DLG2: variants seen among roughly 807,000 people sequenced by gnomAD.
DLG2 encodes discs large MAGUK scaffold protein 2, also known as disks large homolog 2.
DLG2 carries 45 observed loss-of-function variants against 132.5 expected under a neutral mutation model. That is an observed-to-expected ratio of 0.34 (90% CI 0.27 to 0.44). The LOEUF (loss-of-function observed/expected upper bound fraction) is 0.44, where lower values mean the gene tolerates loss of function less well. Ranked by LOEUF, DLG2 falls within the 20% of genes least tolerant of loss-of-function variation. The pLI, the probability that DLG2 is intolerant of heterozygous loss-of-function variation, is 1.00. For synonymous variants in DLG2, 424 were observed against 419.6 expected (o/e 1.01, Z -0.13); for missense variants, 1,045 against 1,196.9 (o/e 0.87, Z 1.87).
intron 6 of DLG2, among the ~76,000 whole-genome samples, chr11:84,597,991 A>G (rs1430319575): frequency 6.6e-6 from 1 of 152,222 alleles, no homozygotes; most frequent in Non-Finnish European, 1.5e-5. Flanking sequence ...TTTTCATATT[A>G]TTAAAACTCC....
At chr11:84,354,781 T>C (rs1424347196) in intron 7 of DLG2, among the ~76,000 whole-genome samples, 2 of 152,060 alleles carry the variant, frequency 1.3e-5, no homozygotes, top group African/African-American at 4.8e-5. Flanking sequence ...TTGAGTCAAA[T>C]GCGGTTTGAC....
chr11:84,558,412 C>A lies in DLG2; in HGVS notation c.358-23681G>T, dbSNP rs544615821. 1.1e-4 allele frequency among the ~76,000 whole-genome samples: 16 copies of A among 152,254 alleles called. No individual in the cohort carries two copies. In the South Asian group the frequency reaches 2.9e-3, roughly 28 times the overall value. Reference sequence around the variant, plus strand: ...TCTTATGGGTATAGCACACATGCTTCTTTCCTAAAAATTGTGGCATCTTTG... The same window carrying A: ...TCTTATGGGTATAGCACACATGCTTATTTCCTAAAAATTGTGGCATCTTTG... On this transcript the variant is annotated intron_variant, in intron 6 of 27. Transcript: ENST00000376104.
rs181327665 is a variant in DLG2 at position 85,243,038 on chromosome 11, T to G, written c.186+42182A>C. Among the ~76,000 whole-genome samples the G allele has an allele frequency of 2.5e-3, 377 of 151,992 alleles. 2 individuals carry two copies. Among genetic ancestry groups the G allele is most frequent in the Non-Finnish European group, 4.2e-3 (284 of 67,906 alleles). ...GTCCTAAGGCAAAAGCAGAGGAGAA[T>G]CAAAAGTAGAATTCAAACTGTTTTT... On this transcript the variant is annotated intron_variant, in intron 4 of 27. Transcript: ENST00000376104.
intron 7 of DLG2, among the ~76,000 whole-genome samples, chr11:84,471,425 T>G (rs186558004): frequency 8.2e-4 from 124 of 151,972 alleles, no homozygotes; most frequent in African/African-American, 2.9e-3. Context: ...TACTTTCTAC[T>G]TATTTGGCTG....
chr11:84,362,031 T>A (rs2098652599), intron 7 of DLG2, among the ~76,000 whole-genome samples: 1 of 151,930 alleles, frequency 6.6e-6, no homozygotes, highest in South Asian at 2.1e-4. Context: ...GATAACATAT[T>A]TAAATTTTAG....
rs74877016 is a variant in DLG2 at position 84,297,324 on chromosome 11, G to C, written c.520-46033C>G. Among the ~76,000 whole-genome samples the C allele has an allele frequency of 4.8e-3, 727 of 152,100 alleles. 8 individuals are homozygous for C. The highest frequency in any genetic ancestry group is 0.016 in the African/African-American group (671 of 41,488). On this transcript the variant is annotated intron_variant, in intron 7 of 27. Coordinates refer to ENST00000376104, the MANE Select transcript of DLG2 (RefSeq NM_001142699.3). ...TAGATGAGAAGGAGTGTGAACATTG[G>C]AGTTCAAACATTGCTGCAATTAAAA... is the stretch of plus-strand genomic sequence containing the variant.
At chr11:85,425,567 T>A (rs1183321906) in intron 3 of DLG2, among the ~76,000 whole-genome samples, 2 of 152,074 alleles carry the variant, frequency 1.3e-5, no homozygotes, top group African/African-American at 2.4e-5. Flanking sequence ...ATTGTAAGAA[T>A]CATAAAAGTA....
intron 6 of DLG2, among the ~76,000 whole-genome samples, chr11:84,749,692 T>C (rs1165701308): frequency 6.6e-6 from 1 of 152,124 alleles, no homozygotes; most frequent in Non-Finnish European, 1.5e-5. Context: ...TCTCGTTAAG[T>C]GATGCATGGC....
At chr11:84,215,710 C>T (rs2096827517) in intron 8 of DLG2, among the ~76,000 whole-genome samples, 1 of 152,070 alleles carries the variant, frequency 6.6e-6, no homozygotes, top group African/African-American at 2.4e-5. Context: ...GCATCAGCAT[C>T]AGAAACAAAC....
At chr11:84,146,584 T>C (rs1039618430) in intron 9 of DLG2, among the ~76,000 whole-genome samples, 1 of 152,106 alleles carries the variant, frequency 6.6e-6, no homozygotes, top group African/African-American at 2.4e-5. Context: ...TTGCATTGCA[T>C]GAAGAATCTA....
intron 7 of DLG2, among the ~76,000 whole-genome samples, chr11:84,423,391 C>T (rs528759506): frequency 8.9e-4 from 136 of 152,250 alleles, no homozygotes; most frequent in African/African-American, 3.2e-3. Context: ...TCATGCCTGG[C>T]ACTTGTCTAC....
intron 8 of DLG2, among the ~76,000 whole-genome samples, chr11:84,183,365 G>A (rs2096192939): frequency 6.6e-6 from 1 of 152,152 alleles, no homozygotes; most frequent in Non-Finnish European, 1.5e-5. Context: ...AGTTGTGGAT[G>A]TCAATGCCCG....
Position 85,128,877 on chromosome 11 carries a change from A to T in DLG2, c.283-17142T>A, listed in dbSNP as rs903548337. On this transcript the variant is annotated intron_variant, in intron 5 of 27. Transcript: ENST00000376104. Reference sequence around the variant, plus strand: ...AAAGTTATAAATTGTGAGTTGCTGAATAAATTATACTATATACACATTTTT... The same window carrying T: ...AAAGTTATAAATTGTGAGTTGCTGATTAAATTATACTATATACACATTTTT... Among the ~76,000 whole-genome samples, 18 of 152,296 alleles carry T rather than the reference A, an allele frequency of 1.2e-4. No homozygotes were observed. In the South Asian group the frequency reaches 3.5e-3, roughly 30 times the overall value.
chr11:85,427,104 C>A (rs184413418), intron 3 of DLG2, among the ~76,000 whole-genome samples: 64 of 152,232 alleles, frequency 4.2e-4, no homozygotes, highest in African/African-American at 1.5e-3. Flanking sequence ...ATGAACAAAG[C>A]CTCCAAGAAA....
chr11:85,164,727 C>T (rs1406108495), intron 4 of DLG2, among the ~76,000 whole-genome samples: 1 of 152,124 alleles, frequency 6.6e-6, no homozygotes, highest in Non-Finnish European at 1.5e-5. Flanking sequence ...TTCAAGGATA[C>T]TGATATATAT....
At chr11:85,343,922 T>C (rs1177938946) in intron 3 of DLG2, among the ~76,000 whole-genome samples, 1 of 152,138 alleles carries the variant, frequency 6.6e-6, no homozygotes, top group Non-Finnish European at 1.5e-5. Flanking sequence ...AAAATTAGGA[T>C]ACAGATGCAG....
intron 18 of DLG2, among the ~76,000 whole-genome samples, chr11:83,751,847 A>G (rs2093330475): frequency 6.6e-6 from 1 of 152,250 alleles, no homozygotes; most frequent in South Asian, 2.1e-4. Flanking sequence ...TAGAACACCA[A>G]TATGGAGTTC....
At chr11:85,499,799 A>T (rs2093754457) in intron 3 of DLG2, among the ~76,000 whole-genome samples, 1 of 152,194 alleles carries the variant, frequency 6.6e-6, no homozygotes, top group Non-Finnish European at 1.5e-5. Flanking sequence ...AACATATGCA[A>T]ATCAATAAAT....
chr11:83,788,765 C>T (rs979080452), intron 17 of DLG2, among the ~76,000 whole-genome samples: 2 of 152,206 alleles, frequency 1.3e-5, no homozygotes, highest in African/African-American at 4.8e-5. Flanking sequence ...CAAATAAATT[C>T]TGTTTCAGAA....
Sources: allele counts gnomAD v4.1 joint callset (sites outside exome capture counted in the v4.1 genomes callset), GRCh38; gene constraint gnomAD v4.1.1; transcripts MANE v1.5; gene names NCBI Gene and HGNC (gene_info 2026-07-23, HGNC 2026-07-21).